Variants in DOCK5 observed in about 807,000 individuals in gnomAD.
DOCK5 encodes the protein dedicator of cytokinesis protein 5.
Under a neutral mutation model 251.8 loss-of-function variants are expected in DOCK5, and 142 were observed. The ratio of observed to expected loss-of-function variants is 0.56; its 90% CI spans 0.49 to 0.65. The LOEUF (loss-of-function observed/expected upper bound fraction) is 0.65, where lower values mean the gene tolerates loss of function less well. DOCK5 is among the 30% of genes least tolerant of loss of function. The pLI is 0.00. For synonymous variants in DOCK5, 842 were observed against 835.5 expected (o/e 1.01, Z -0.13); for missense variants, 2,111 against 2,312.3 (o/e 0.91, Z 1.79).
chr8:25,357,743 G>A (rs1800603608), intron 27 of DOCK5, among the ~76,000 whole-genome samples: 1 of 152,064 alleles, frequency 6.6e-6, no homozygotes, highest in African/African-American at 2.4e-5. Context: ...AGATAGACAT[G>A]GACAGTCTTT....
In DOCK5 at chr8:25,184,725, G is replaced by C. The variant is rs1240004907; in HGVS notation, c.-184G>C. On this transcript the variant is annotated 5_prime_UTR_variant, in exon 1 of 52. Coordinates refer to ENST00000276440, the MANE Select transcript of DOCK5 (RefSeq NM_024940.8). ...GCAGCCCGGCCCAGCAGGTGACCGC[G>C]GGCGGCGCGGGCACGGGCACGGGCG... The C allele has an allele frequency of 1.0e-5, 3 of 294,820 alleles. No homozygotes were observed. In the East Asian group the frequency reaches 2.4e-4, roughly 24 times the overall value. 18.3% of individuals were successfully genotyped at this position (294,820 alleles called of 1,614,324 possible).
rs748174755 is a variant in DOCK5 at position 25,364,617 on chromosome 8, C to A, written c.3045-9C>A. 2.5e-6 allele frequency: 4 copies of A among 1,589,748 alleles called. No homozygotes were observed. In the East Asian group the frequency reaches 6.8e-5, roughly 27 times the overall value. ...GTTGGCTTCTTTATCTGGTGTTTTC[C>A]TTCCGCAGGGTTTTTCTCCGTGCTA... On this transcript the variant is annotated splice_polypyrimidine_tract_variant and intron_variant, in intron 29 of 51. Coordinates refer to ENST00000276440, the MANE Select transcript of DOCK5 (RefSeq NM_024940.8).
chr8:25,379,405 G>A (rs902233828), intron 38 of DOCK5, among the ~76,000 whole-genome samples: 13 of 151,968 alleles, frequency 8.6e-5, no homozygotes, highest in Admixed American at 3.3e-4. Context: ...CTACTTGTAC[G>A]TCCATTTATA....
intron 16 of DOCK5, 39 bp from the exon 17 acceptor site, chr8:25,323,809 C>T (rs376365386): frequency 2.8e-4 from 441 of 1,595,976 alleles, no homozygotes; most frequent in Non-Finnish European, 3.6e-4. Flanking sequence ...CTCCTGGTGT[C>T]TCTCTGCACT....
At chr8:25,253,684 G>A (rs1336865260) in intron 2 of DOCK5, among the ~76,000 whole-genome samples, 1 of 152,120 alleles carries the variant, frequency 6.6e-6, no homozygotes, top group Non-Finnish European at 1.5e-5. Context: ...ATATGCCTCT[G>A]CTTCATCCAT....
At chr8:25,359,334 G>A (rs1800634973) in intron 28 of DOCK5, among the ~76,000 whole-genome samples, 1 of 152,164 alleles carries the variant, frequency 6.6e-6, no homozygotes, top group South Asian at 2.1e-4. Flanking sequence ...CAACATTTGG[G>A]AGATGTTTTT....
intron 1 of DOCK5, among the ~76,000 whole-genome samples, chr8:25,193,175 A>G (rs532961262): frequency 6.6e-6 from 1 of 152,290 alleles, no homozygotes; most frequent in African/African-American, 2.4e-5. Context: ...GGGGAGAGGC[A>G]GGGTTCCTGT....
chr8:25,301,255 G>A (rs1433461662), intron 9 of DOCK5, among the ~76,000 whole-genome samples: 4 of 152,152 alleles, frequency 2.6e-5, no homozygotes, highest in African/African-American at 2.4e-5. Context: ...ACAAGGGGGG[G>A]CTACTCTATC....
chr8:25,225,771 C>G (rs943379180), intron 1 of DOCK5, among the ~76,000 whole-genome samples: 3 of 151,390 alleles, frequency 2.0e-5, no homozygotes, highest in African/African-American at 7.3e-5. Flanking sequence ...GGACGTTATG[C>G]TAAGTGAAAT....
chr8:25,391,769 T>C (rs1349724441), intron 42 of DOCK5, 127 bp from the exon 43 acceptor site: 1 of 641,576 alleles, frequency 1.6e-6, no homozygotes, highest in Non-Finnish European at 2.6e-6. Flanking sequence ...GGAGGCACTA[T>C]TGATTATGAG....
chr8:25,373,891 A>G (rs184847653), intron 36 of DOCK5, among the ~76,000 whole-genome samples: 25 of 152,316 alleles, frequency 1.6e-4, no homozygotes, highest in Admixed American at 1.3e-3. Flanking sequence ...GGAAGGATAG[A>G]CAACTTCTGG....
intron 13 of DOCK5, among the ~76,000 whole-genome samples, chr8:25,314,624 C>T (rs942052919): frequency 2.8e-5 from 4 of 143,592 alleles, no homozygotes; most frequent in African/African-American, 1.0e-4. Context: ...CCTACCCATC[C>T]AACCGTCCAC....
intron 5 of DOCK5, among the ~76,000 whole-genome samples, chr8:25,281,889 G>GAAAAAAAAAA (rs57465549): frequency 7.9e-6 from 1 of 127,134 alleles, no homozygotes; most frequent in African/African-American, 2.9e-5. Flanking sequence ...AAAAAAAAAA[G>GAAAAAAAAAA]AAAAAAAAAA....
chr8:25,200,915 T>TC (rs60704275), intron 1 of DOCK5, among the ~76,000 whole-genome samples: 13 of 152,122 alleles, frequency 8.5e-5, no homozygotes, highest in East Asian at 3.9e-4. Context: ...TTCTTCTTCT[T>TC]TTTTTGTTTG....
intron 26 of DOCK5, among the ~76,000 whole-genome samples, chr8:25,346,311 A>G (rs1734823676): frequency 1.3e-5 from 2 of 151,972 alleles, no homozygotes; most frequent in African/African-American, 4.8e-5. Context: ...CTAAAAAATA[A>G]TAATAATAAT....
intron 1 of DOCK5, among the ~76,000 whole-genome samples, chr8:25,199,603 G>C (rs901286920): frequency 3.9e-5 from 6 of 152,136 alleles, no homozygotes; most frequent in Non-Finnish European, 8.8e-5. Context: ...AGCTGGTCTT[G>C]AACTCCTGAC....
intron 1 of DOCK5, among the ~76,000 whole-genome samples, chr8:25,218,514 G>A (rs1297518607): frequency 6.6e-6 from 1 of 152,190 alleles, no homozygotes; most frequent in Non-Finnish European, 1.5e-5. Flanking sequence ...TTACAAGGGG[G>A]CATCACCAAT....
At chr8:25,374,475 C>T in intron 36 of DOCK5, 89 bp from the exon 37 acceptor site, 3 of 1,233,156 alleles carry the variant, frequency 2.4e-6, no homozygotes, top group Non-Finnish European at 3.4e-6. Flanking sequence ...GCAGCCTGGG[C>T]AATACAGCAA....
intron 36 of DOCK5, among the ~76,000 whole-genome samples, chr8:25,373,977 T>C (rs11776844): frequency 0.045 from 6,907 of 152,220 alleles, 229 homozygotes; most frequent in Non-Finnish European, 0.071. Context: ...AGTCTGCGAA[T>C]CCCTGAACAT....
Sources: gnomAD v4.1 joint callset for allele counts (sites outside exome capture counted in the v4.1 genomes callset) on GRCh38, gnomAD v4.1.1 for gene constraint, MANE v1.5 for transcripts, NCBI Gene and HGNC (gene_info 2026-07-23, HGNC 2026-07-21) for gene names.